The following PTPRD variants were observed in gnomAD, a reference collection of about 807,000 sequenced individuals.
The protein encoded by PTPRD is protein tyrosine phosphatase receptor type D.
PTPRD carries 34 observed loss-of-function variants against 214.5 expected under a neutral mutation model. The observed-to-expected ratio is 0.16, with a 90% CI of 0.12 to 0.21. The LOEUF (loss-of-function observed/expected upper bound fraction) is 0.21, where lower values mean the gene tolerates loss of function less well. PTPRD is among the 10% of genes least tolerant of loss of function. The pLI is 1.00. For missense variants in PTPRD, 2,545 were observed against 2,398.7 expected (o/e 1.06, Z -1.27); for synonymous variants, 1,128 against 845.7 (o/e 1.33, Z -5.79).
chr9:8,460,028 G>A (rs761623718), intron 33 of PTPRD, among the ~76,000 whole-genome samples: 6 of 151,982 alleles, frequency 3.9e-5, no homozygotes, highest in Admixed American at 1.3e-4. Context: ...TCGTGATAGT[G>A]TTTCAAAAAA....
chr9:8,411,248 AT>A (rs1393679029), intron 35 of PTPRD, among the ~76,000 whole-genome samples: 1 of 152,052 alleles, frequency 6.6e-6, no homozygotes, highest in African/African-American at 2.4e-5. Flanking sequence ...AAGATTAAAG[AT>A]TTAAATAACT....
intron 2 of PTPRD, among the ~76,000 whole-genome samples, chr9:10,453,832 T>A (rs2098875375): frequency 6.6e-6 from 1 of 151,694 alleles, no homozygotes; most frequent in African/African-American, 2.4e-5. Flanking sequence ...TTCAGTACTA[T>A]GTTCAATGAA....
intron 2 of PTPRD, among the ~76,000 whole-genome samples, chr9:10,348,634 C>G (rs1056549780): frequency 6.6e-6 from 1 of 152,092 alleles, no homozygotes; most frequent in Non-Finnish European, 1.5e-5. Context: ...GTTTACCTCC[C>G]CTGTTTGCAT....
intron 8 of PTPRD, among the ~76,000 whole-genome samples, chr9:9,565,575 C>A (rs572545448): frequency 1.3e-5 from 2 of 151,694 alleles, no homozygotes; most frequent in Admixed American, 1.3e-4. Context: ...TATAAAAATG[C>A]TTTTAATATT....
At chr9:9,899,420 G>A (rs994839607) in intron 5 of PTPRD, among the ~76,000 whole-genome samples, 4 of 152,010 alleles carry the variant, frequency 2.6e-5, no homozygotes, top group Non-Finnish European at 2.9e-5. Context: ...CTGTAAGGAA[G>A]ACATACAAAT....
At chr9:8,745,580 C>T (rs938945115) in intron 11 of PTPRD, among the ~76,000 whole-genome samples, 2 of 152,088 alleles carry the variant, frequency 1.3e-5, no homozygotes, top group Admixed American at 1.3e-4. Flanking sequence ...AAGGGTCAAT[C>T]TTTAACTTGG....
chr9:8,330,820 A>AAT (rs1243963400), intron 44 of PTPRD, among the ~76,000 whole-genome samples: 1 of 151,082 alleles, frequency 6.6e-6, no homozygotes, highest in Non-Finnish European at 1.5e-5. Context: ...GCTGAAGCAA[A>AAT]ATATATTTTT....
At chr9:9,419,568 T>C (rs1441294752) in intron 8 of PTPRD, among the ~76,000 whole-genome samples, 4 of 151,810 alleles carry the variant, frequency 2.6e-5, no homozygotes, top group Non-Finnish European at 4.4e-5. Flanking sequence ...AGCCCCAATA[T>C]GTATATTGTT....
intron 14 of PTPRD, among the ~76,000 whole-genome samples, chr9:8,546,845 G>A (rs555376524): frequency 6.6e-6 from 1 of 152,088 alleles, no homozygotes; most frequent in Non-Finnish European, 1.5e-5. Flanking sequence ...TTATGTTATG[G>A]ACATGATGCA....
intron 3 of PTPRD, among the ~76,000 whole-genome samples, chr9:10,318,867 C>T (rs2096496342): frequency 6.6e-6 from 1 of 152,044 alleles, no homozygotes; most frequent in Non-Finnish European, 1.5e-5. Flanking sequence ...GTTTCCTTGT[C>T]AGGCATTGAG....
intron 9 of PTPRD, among the ~76,000 whole-genome samples, chr9:9,365,030 C>T (rs1039848287): frequency 6.6e-6 from 1 of 151,434 alleles, no homozygotes; most frequent in African/African-American, 2.4e-5. Flanking sequence ...CTGTGAGAGT[C>T]AAGGATGACT....
intron 14 of PTPRD, among the ~76,000 whole-genome samples, chr9:8,560,489 A>G (rs914554061): frequency 1.3e-5 from 2 of 149,804 alleles, no homozygotes; most frequent in African/African-American, 5.0e-5. Context: ...ACACTGTTTC[A>G]TTGTCAAGGC....
intron 2 of PTPRD, among the ~76,000 whole-genome samples, chr9:10,507,800 A>C (rs142162025): frequency 7.2e-5 from 11 of 152,194 alleles, no homozygotes; most frequent in African/African-American, 2.7e-4. Flanking sequence ...AAATTAATTC[A>C]AGGTGGATTA....
At position 8,560,253 on chromosome 9, in the gene PTPRD, A is replaced by C. The variant is rs140171163; in HGVS notation, c.353-31474T>G. 5.7e-3 allele frequency among the ~76,000 whole-genome samples: 868 copies of C among 152,308 alleles called. 4 individuals carry two copies. Among genetic ancestry groups the C allele is most frequent in the African/African-American group, 0.02 (833 of 41,560 alleles). On this transcript the variant is annotated intron_variant, in intron 14 of 45. Coordinates refer to ENST00000381196, the MANE Select transcript of PTPRD (RefSeq NM_002839.4). Reference sequence around the variant, plus strand: ...TACATGTTGATCAACCAAGTTATAAAAATGAGATGAATTTTTAAACTCCAT... The same window carrying C: ...TACATGTTGATCAACCAAGTTATAACAATGAGATGAATTTTTAAACTCCAT...
chr9:10,163,031 A>C (rs577462501), intron 3 of PTPRD, among the ~76,000 whole-genome samples: 3 of 151,126 alleles, frequency 2.0e-5, no homozygotes, highest in African/African-American at 7.2e-5. Context: ...CTCTATATAG[A>C]GAGAAAGAGA....
At chr9:9,339,852 G>C (rs990106868) in intron 9 of PTPRD, among the ~76,000 whole-genome samples, 2 of 152,090 alleles carry the variant, frequency 1.3e-5, no homozygotes, top group African/African-American at 4.8e-5. Context: ...GTGAAATACA[G>C]TGGATATAAT....
chr9:10,572,441 T>C (rs2067754844), intron 2 of PTPRD, among the ~76,000 whole-genome samples: 2 of 152,150 alleles, frequency 1.3e-5, no homozygotes, highest in Non-Finnish European at 1.5e-5. Context: ...TATCACACTT[T>C]GAAGAAAGTG....
intron 3 of PTPRD, among the ~76,000 whole-genome samples, chr9:10,278,929 C>T (rs1013501522): frequency 1.8e-4 from 27 of 152,012 alleles, no homozygotes; most frequent in African/African-American, 5.1e-4. Flanking sequence ...CACACACCAC[C>T]ACGCCAGGCT....
intron 5 of PTPRD, among the ~76,000 whole-genome samples, chr9:9,858,282 A>T (rs1406175903): frequency 1.3e-5 from 2 of 152,246 alleles, no homozygotes; most frequent in South Asian, 4.1e-4. Context: ...TGATGGCACC[A>T]AATATTTTTG....
Sources: gnomAD v4.1 joint callset for allele counts (sites outside exome capture counted in the v4.1 genomes callset) on GRCh38, gnomAD v4.1.1 for gene constraint, MANE v1.5 for transcripts, NCBI Gene and HGNC (gene_info 2026-07-23, HGNC 2026-07-21) for gene names.